The following BIN1 variants were observed in gnomAD, a reference collection of about 807,000 sequenced individuals.
BIN1 encodes the protein myc box-dependent-interacting protein 1.
BIN1 carries 53 observed loss-of-function variants against 82.0 expected under a neutral mutation model. The ratio of observed to expected loss-of-function variants is 0.65; its 90% CI spans 0.52 to 0.81. The LOEUF is 0.81. Ranked by LOEUF, BIN1 falls within the 40% of genes least tolerant of loss-of-function variation. The probability of loss-of-function intolerance (pLI) is 0.00; values close to 1 mark genes in which losing one functional copy is unlikely to be tolerated. For missense variants in BIN1, 642 were observed against 784.4 expected (o/e 0.82, Z 2.17); for synonymous variants, 302 against 328.0 (o/e 0.92, Z 0.86).
Position 127,050,503 on chromosome 2 carries a change from T to G in BIN1, c.1592A>C (p.Tyr531Ser), listed in dbSNP as rs1455811048. The change falls in exon 18 of 19, where the codon TAC becomes TCC. Residue 531 changes from tyrosine to serine, a missense_variant. Coordinates refer to ENST00000316724, the MANE Select transcript of BIN1 (RefSeq NM_139343.3). ...CAGCTCGTCTGTGTCAGTGGCCGTGTAGTCGTGCTGGGCCTGTACCTGCAG... is the reference window on the plus strand; with the variant it reads ...CAGCTCGTCTGTGTCAGTGGCCGTGGAGTCGTGCTGGGCCTGTACCTGCAG... ...FMFKVQAQHDYTATDTDELQL... is the reference protein window; with the variant it reads ...FMFKVQAQHDSTATDTDELQL... The G allele has an allele frequency of 6.2e-7, 1 of 1,614,234 alleles. No individual in the cohort carries two copies.
intron 1 of BIN1, among the ~76,000 whole-genome samples, chr2:127,087,459 G>T (rs1461568902): frequency 6.6e-6 from 1 of 152,246 alleles, no homozygotes; most frequent in Non-Finnish European, 1.5e-5. Flanking sequence ...TGCAGCCAGG[G>T]TGGTGCCACG....
At chr2:127,091,725 C>CAA (rs57195434) in intron 1 of BIN1, among the ~76,000 whole-genome samples, 58 of 150,520 alleles carry the variant, frequency 3.9e-4, no homozygotes, top group African/African-American at 8.8e-4. Flanking sequence ...CCCATTTCTA[C>CAA]AAAAAAAAAA....
intron 1 of BIN1, among the ~76,000 whole-genome samples, chr2:127,105,607 A>T (rs933737008): frequency 1.3e-5 from 2 of 151,916 alleles, no homozygotes; most frequent in African/African-American, 4.8e-5. Context: ...CAGGAAACAC[A>T]GGGATGAGCA....
chr2:127,097,923 C>G (rs1315346129), intron 1 of BIN1, among the ~76,000 whole-genome samples: 1 of 152,202 alleles, frequency 6.6e-6, no homozygotes, highest in East Asian at 1.9e-4. Flanking sequence ...GCCTCCTTTG[C>G]CCTCTGAACT....
At chr2:127,053,472 G>A (rs762840542) in intron 13 of BIN1, 27 bp from the exon 14 acceptor site, 3 of 1,613,006 alleles carry the variant, frequency 1.9e-6, no homozygotes, top group Non-Finnish European at 2.5e-6. Flanking sequence ...GGGCGAGAAG[G>A]ACAGTTAGCA....
chr2:127,052,635 G>A, intron 14 of BIN1: 1 of 491,358 alleles, frequency 2.0e-6, no homozygotes, highest in Non-Finnish European at 3.7e-6. Context: ...CACCAGGCTG[G>A]CTCTTTCTGG....
chr2:127,058,114 G>C lies in BIN1; in HGVS notation c.1003-513C>G, dbSNP rs565897401. Among the ~76,000 whole-genome samples, 78 of 152,332 alleles carry C rather than the reference G, an allele frequency of 5.1e-4. No homozygotes were observed. In the South Asian group the frequency reaches 0.016, roughly 31 times the overall value. ...GACGAGTGTATCCCAGAGGAAGCCA[G>C]CGTGGCACCAGGATGGGGCAGAGGC... On this transcript the variant is annotated intron_variant, in intron 11 of 18. Transcript: ENST00000316724.
chr2:127,052,532 C>T, intron 14 of BIN1, 170 bp from the exon 15 acceptor site: 1 of 624,980 alleles, frequency 1.6e-6, no homozygotes, highest in Non-Finnish European at 2.8e-6. Flanking sequence ...CATCCTCTCT[C>T]CTACCACTGT....
In BIN1 at chr2:127,067,159, T is replaced by C. The variant is rs942213303; in HGVS notation, c.612+1004A>G. 9.3e-5 allele frequency among the ~76,000 whole-genome samples: 14 copies of C among 151,308 alleles called. No homozygotes were observed. Among genetic ancestry groups the C allele is most frequent in the Non-Finnish European group, 2.1e-4 (14 of 67,904 alleles). On this transcript the variant is annotated intron_variant, in intron 7 of 18. Transcript: ENST00000316724. This position sits in a 1 kb window ranked among gnomAD's most constrained non-coding sequence, Gnocchi z 4.7. ...CCACGTCACAGGCACTCAATGAAGA[T>C]GATGAAATCAAGAGGAGGCTCCGAA...
At chr2:127,103,462 A>G (rs1443774609) in intron 1 of BIN1, among the ~76,000 whole-genome samples, 3 of 152,080 alleles carry the variant, frequency 2.0e-5, no homozygotes, top group East Asian at 1.9e-4. Flanking sequence ...CCCTCTGCCC[A>G]GCTGGCCCTC....
intron 1 of BIN1, among the ~76,000 whole-genome samples, chr2:127,103,382 T>C (rs1254022281): frequency 6.6e-6 from 1 of 152,206 alleles, no homozygotes; most frequent in Non-Finnish European, 1.5e-5. Context: ...TCGCCACCAC[T>C]GCACCTTCCT....
At chr2:127,072,038 GC>G (rs1685957928) in intron 2 of BIN1, among the ~76,000 whole-genome samples, 1 of 152,236 alleles carries the variant, frequency 6.6e-6, no homozygotes, top group Admixed American at 6.5e-5. Context: ...GCCAGCCCAA[GC>G]CTCAGGGACA....
At chr2:127,079,797 A>G (rs1206122158) in intron 1 of BIN1, among the ~76,000 whole-genome samples, 1 of 152,188 alleles carries the variant, frequency 6.6e-6, no homozygotes, top group Non-Finnish European at 1.5e-5. Context: ...TGCTCATCTG[A>G]GCTGTGGGCT....
At chr2:127,075,859 G>A (rs1686535473) in intron 2 of BIN1, among the ~76,000 whole-genome samples, 1 of 110,620 alleles carries the variant, frequency 9.0e-6, no homozygotes, top group Non-Finnish European at 1.8e-5. Context: ...GCTCCCAGTT[G>A]TTCCCTGGCC....
At chr2:127,055,325 G>T (rs76816125) in intron 12 of BIN1, 1 of 152,330 alleles carries the variant, frequency 6.6e-6, no homozygotes, top group Admixed American at 6.5e-5. Context: ...CAGCTCAGGG[G>T]ACAAGGCGTG....
chr2:127,075,606 T>C (rs1686477269), intron 2 of BIN1, among the ~76,000 whole-genome samples: 1 of 152,164 alleles, frequency 6.6e-6, no homozygotes, highest in African/African-American at 2.4e-5. Context: ...GCTGAGCCCC[T>C]CTGGCAAGCC....
intron 2 of BIN1, among the ~76,000 whole-genome samples, chr2:127,071,043 G>A (rs1685826584): frequency 6.6e-6 from 1 of 152,152 alleles, no homozygotes; most frequent in Admixed American, 6.5e-5. Context: ...CCATCTTCCA[G>A]ATGCCATTCT....
At position 127,067,564 on chromosome 2, in the gene BIN1, G is replaced by A. The variant is rs796748508; in HGVS notation, c.612+599C>T. On this transcript the variant is annotated intron_variant, in intron 7 of 18. Coordinates refer to ENST00000316724, the MANE Select transcript of BIN1 (RefSeq NM_139343.3). This position sits in a 1 kb window ranked among gnomAD's most constrained non-coding sequence, Gnocchi z 4.7. ...CCAAGGACCCATGCTTCCCCTCCAC[G>A]TCTCAGCATCCCATCCAGACTGGAG... Among the ~76,000 whole-genome samples, 8 of 152,268 alleles carry A rather than the reference G, an allele frequency of 5.3e-5. No homozygotes were observed. Among genetic ancestry groups the A allele is most frequent in the African/African-American group, 1.7e-4 (7 of 41,550 alleles).
intron 1 of BIN1, among the ~76,000 whole-genome samples, chr2:127,099,080 G>A (rs1482084836): frequency 1.3e-5 from 2 of 152,178 alleles, no homozygotes; most frequent in Non-Finnish European, 1.5e-5. Context: ...CCTAAATCCT[G>A]CAGACACAGC....
Sources: allele counts gnomAD v4.1 joint callset (sites outside exome capture counted in the v4.1 genomes callset), GRCh38; gene constraint gnomAD v4.1.1; non-coding constraint Gnocchi (gnomAD v3.1); transcripts MANE v1.5; gene names NCBI Gene and HGNC (gene_info 2026-07-23, HGNC 2026-07-21).